The following RPS6KA2 variants were observed in gnomAD, a reference collection of about 807,000 sequenced individuals.
RPS6KA2 encodes the protein ribosomal protein S6 kinase A2.
Under a neutral mutation model 91.8 loss-of-function variants are expected in RPS6KA2, and 42 were observed. That is an observed-to-expected ratio of 0.46 (90% confidence interval 0.36 to 0.59). The LOEUF (loss-of-function observed/expected upper bound fraction) is 0.59. Ranked by LOEUF, RPS6KA2 falls within the 20% of genes least tolerant of loss-of-function variation. The pLI, the probability that RPS6KA2 is intolerant of heterozygous loss-of-function variation, is 0.00. For missense variants in RPS6KA2, 798 were observed against 978.5 expected, an observed-to-expected ratio of 0.82 and a Z score of 2.46; for synonymous variants, 414 against 393.6, an observed-to-expected ratio of 1.05 and a Z score of -0.61.
intron 2 of RPS6KA2, among the ~76,000 whole-genome samples, chr6:166,842,039 T>G (rs1009410458): frequency 5.9e-5 from 9 of 152,032 alleles, no homozygotes; most frequent in African/African-American, 1.7e-4. Flanking sequence ...TCTACACACC[T>G]CCAGCGGTAG....
Position 166,410,196 on chromosome 6 carries a change from TGAA to T in RPS6KA2, c.*2563_*2565del, listed in dbSNP as rs1159540274. 1 of 152,196 alleles carries T rather than the reference TGAA, an allele frequency of 6.6e-6. No individual in the cohort carries two copies. Among genetic ancestry groups the T allele is most frequent in the Non-Finnish European group, 1.5e-5 (1 of 68,062 alleles). 9.4% of individuals were successfully genotyped at this position (152,196 alleles called of 1,614,324 possible). On this transcript the variant is annotated 3_prime_UTR_variant, in exon 21 of 21. Coordinates refer to ENST00000265678, the MANE Select transcript of RPS6KA2 (RefSeq NM_021135.6). ...CCGGGGGTGGGGGGTTGGGTTATGA[TGAA>T]CTGTGTGAGGAAGGAGAGCCAGTTA... is the stretch of plus-strand genomic sequence containing the variant.
At chr6:166,441,677 C>T (rs1008702440) in intron 14 of RPS6KA2, among the ~76,000 whole-genome samples, 1 of 152,236 alleles carries the variant, frequency 6.6e-6, no homozygotes, top group African/African-American at 2.4e-5. Flanking sequence ...CAGCGCCCAG[C>T]GTTAGGCCAT....
Position 166,418,360 on chromosome 6 carries a change from T to A in RPS6KA2, c.1821-18A>T. The stretch of plus-strand genomic sequence containing the variant: ...GGGTAAATCTGTATAATTAGACAAA[T>A]TTGTGGTAATGAGCTTGTATTTTAC... On this transcript the variant is annotated intron_variant, in intron 18 of 20. Transcript: ENST00000265678. The surrounding 1 kb of genome is among the most constrained non-coding windows in gnomAD (Gnocchi z 4.9). 4 of 1,566,338 alleles carry A rather than the reference T, an allele frequency of 2.6e-6. No homozygotes were observed. Among genetic ancestry groups the A allele is most frequent in the Non-Finnish European group, 3.5e-6 (4 of 1,138,138 alleles).
At chr6:166,598,321 G>C (rs780023856) in intron 1 of RPS6KA2, among the ~76,000 whole-genome samples, 2 of 152,184 alleles carry the variant, frequency 1.3e-5, no homozygotes, top group Non-Finnish European at 2.9e-5. Context: ...CCCTCCAAAA[G>C]GCAATGGGGG....
chr6:166,674,075 T>C (rs1788554286), intron 2 of RPS6KA2, among the ~76,000 whole-genome samples: 1 of 152,238 alleles, frequency 6.6e-6, no homozygotes, highest in Non-Finnish European at 1.5e-5. Flanking sequence ...TTGATTCTTC[T>C]TTCTGATCAA....
intron 1 of RPS6KA2, among the ~76,000 whole-genome samples, chr6:166,567,197 A>G (rs997118470): frequency 1.3e-5 from 2 of 152,210 alleles, no homozygotes; most frequent in Non-Finnish European, 2.9e-5. Flanking sequence ...CATGAGTCAC[A>G]TCCATGGTGG....
chr6:166,801,073 AC>A (rs1779353065), intron 2 of RPS6KA2, among the ~76,000 whole-genome samples: 1 of 152,192 alleles, frequency 6.6e-6, no homozygotes, highest in African/African-American at 2.4e-5. Flanking sequence ...AAAAATTTAA[AC>A]CATGGTATGT....
chr6:166,562,980 G>T (rs377432235), intron 1 of RPS6KA2, among the ~76,000 whole-genome samples: 2 of 152,218 alleles, frequency 1.3e-5, no homozygotes, highest in East Asian at 3.9e-4. Flanking sequence ...GACTGAGAAG[G>T]CGGCCGAGCC....
At chr6:166,469,164 G>A (rs947526948) in intron 11 of RPS6KA2, among the ~76,000 whole-genome samples, 5 of 152,152 alleles carry the variant, frequency 3.3e-5, no homozygotes, top group African/African-American at 4.8e-5. Context: ...CGGAGTTGGC[G>A]TCTTGGCAGA....
At chr6:166,794,165 A>G (rs1427412487) in intron 2 of RPS6KA2, among the ~76,000 whole-genome samples, 1 of 138,626 alleles carries the variant, frequency 7.2e-6, no homozygotes, top group African/African-American at 2.6e-5. Context: ...CAAGAAAAAA[A>G]CAAACAACCC....
chr6:166,584,850 C>T (rs537158558), intron 1 of RPS6KA2, among the ~76,000 whole-genome samples: 217 of 152,278 alleles, frequency 1.4e-3, no homozygotes, highest in African/African-American at 5.1e-3. Context: ...AATATTGGTC[C>T]AGAAACTCAG....
chr6:166,778,436 C>A (rs927460714), intron 2 of RPS6KA2, among the ~76,000 whole-genome samples: 1 of 152,192 alleles, frequency 6.6e-6, no homozygotes, highest in African/African-American at 2.4e-5. Flanking sequence ...CTAAAGAATT[C>A]TTTAAACAAC....
At position 166,737,724 on chromosome 6, in the gene RPS6KA2, A is replaced by G. The variant is rs964625415; in HGVS notation, c.123+120476T>C. ...TCTAACTCCTGTGATGCTATAAAGG[A>G]CTCTGGTGACGGTTCTGAACTTGAC... On this transcript the variant is annotated intron_variant, in intron 2 of 21. Coordinates refer to the RPS6KA2 transcript ENST00000503859. This position sits in a 1 kb window ranked among gnomAD's most constrained non-coding sequence, Gnocchi z 4.3. 6.6e-6 allele frequency among the ~76,000 whole-genome samples: 1 copy of G among 151,934 alleles called. No homozygotes were observed. Among genetic ancestry groups the G allele is most frequent in the Admixed American group, 6.6e-5 (1 of 15,250 alleles).
intron 2 of RPS6KA2, among the ~76,000 whole-genome samples, chr6:166,633,764 A>T (rs1040291829): frequency 6.6e-6 from 1 of 152,230 alleles, no homozygotes; most frequent in Non-Finnish European, 1.5e-5. Flanking sequence ...TTCACGTATC[A>T]TGCATTTCAT....
At chr6:166,826,660 C>T (rs887533549) in intron 2 of RPS6KA2, among the ~76,000 whole-genome samples, 5 of 152,190 alleles carry the variant, frequency 3.3e-5, no homozygotes, top group Admixed American at 1.3e-4. Context: ...TAGGGTACCA[C>T]GTTGCCTCAC....
chr6:166,469,807 C>T (rs771258534), intron 11 of RPS6KA2, 34 bp downstream of exon 11: 20 of 1,577,470 alleles, frequency 1.3e-5, no homozygotes, highest in Admixed American at 1.7e-5. Flanking sequence ...CTGTGTCACG[C>T]GTGTGCAGGT....
intron 2 of RPS6KA2, among the ~76,000 whole-genome samples, chr6:166,694,774 T>C (rs1789309369): frequency 6.6e-6 from 1 of 152,242 alleles, no homozygotes; most frequent in Non-Finnish European, 1.5e-5. Context: ...CTGAATGACC[T>C]GAGCCCTTAC....
intron 2 of RPS6KA2, among the ~76,000 whole-genome samples, chr6:166,826,899 G>A (rs761542921): frequency 1.3e-5 from 2 of 152,174 alleles, no homozygotes; most frequent in Non-Finnish European, 1.5e-5. Context: ...CAGATGCTAT[G>A]AATTATATAA....
intron 2 of RPS6KA2, among the ~76,000 whole-genome samples, chr6:166,793,779 G>A (rs1779155515): frequency 6.6e-6 from 1 of 152,126 alleles, no homozygotes; most frequent in Non-Finnish European, 1.5e-5. Flanking sequence ...AATAAATGCT[G>A]CTGGGAAAAC....
Sources: allele counts gnomAD v4.1 joint callset (sites outside exome capture counted in the v4.1 genomes callset), GRCh38; gene constraint gnomAD v4.1.1; non-coding constraint Gnocchi (gnomAD v3.1); transcripts MANE v1.5; gene names NCBI Gene and HGNC (gene_info 2026-07-23, HGNC 2026-07-21).